The following NXPH1 variants were observed in gnomAD, a reference collection of about 807,000 sequenced individuals.
NXPH1 encodes the protein neurexophilin 1.
In NXPH1, 5 loss-of-function variants were observed where a neutral mutation model predicts 23.7. The ratio of observed to expected loss-of-function variants is 0.21; its 90% CI spans 0.11 to 0.44. The LOEUF is 0.44. Ranked by LOEUF, NXPH1 falls within the 20% of genes least tolerant of loss-of-function variation. The pLI is 0.99. For missense variants in NXPH1, 324 were observed against 321.6 expected (o/e 1.01, Z -0.06); for synonymous variants, 144 against 122.2 (o/e 1.18, Z -1.18).
chr7:8,501,772 AT>A (rs1817439488), intron 2 of NXPH1, among the ~76,000 whole-genome samples: 1 of 152,072 alleles, frequency 6.6e-6, no homozygotes, highest in South Asian at 2.1e-4. Context: ...GCAAGTAAAG[AT>A]AGGGCTGTCA....
intron 2 of NXPH1, among the ~76,000 whole-genome samples, chr7:8,638,331 G>A (rs749678544): frequency 1.3e-5 from 2 of 152,146 alleles, no homozygotes; most frequent in Non-Finnish European, 2.9e-5. Flanking sequence ...GGGACCACCA[G>A]CCCGTAGATG....
At chr7:8,595,660 C>T (rs1186032474) in intron 2 of NXPH1, among the ~76,000 whole-genome samples, 1 of 151,962 alleles carries the variant, frequency 6.6e-6, no homozygotes, top group Non-Finnish European at 1.5e-5. Flanking sequence ...TATCTGACTT[C>T]TACGGAACTC....
chr7:8,675,385 CT>C (rs1216494317), intron 2 of NXPH1, among the ~76,000 whole-genome samples: 1 of 151,896 alleles, frequency 6.6e-6, no homozygotes, highest in Non-Finnish European at 1.5e-5. Flanking sequence ...TATCAGCCTC[CT>C]TCTATTAATA....
In NXPH1 at chr7:8,751,101, A is replaced by G. The variant is rs1780557400; in HGVS notation, c.148A>G (p.Ser50Gly). The G allele has an allele frequency of 6.2e-7, 1 of 1,613,882 alleles. No individual in the cohort carries two copies. The highest frequency in any genetic ancestry group is 8.5e-7 in the Non-Finnish European group (1 of 1,179,792). ...STLKHIWTES[S>G]KDLSISRLLS... ...ACTAAAGCACATATGGACAGAAAGC[A>G]GCAAAGACTTGTCTATCAGCCGACT... is the stretch of plus-strand genomic sequence containing the variant. The change falls in exon 3 of 3, where the codon AGC (serine) becomes GGC (glycine). Residue 50 changes from serine (S) to glycine (G), a missense_variant. Transcript: ENST00000405863. The surrounding 1 kb of genome is among the most constrained non-coding windows in gnomAD (Gnocchi z 4.5).
chr7:8,742,716 G>T (rs984726255), intron 2 of NXPH1, among the ~76,000 whole-genome samples: 4 of 151,942 alleles, frequency 2.6e-5, no homozygotes, highest in Non-Finnish European at 5.9e-5. Flanking sequence ...AGGAAGCAGG[G>T]GTTGATGATG....
Position 8,690,722 on chromosome 7 carries a change from G to A in NXPH1, c.55-60286G>A, listed in dbSNP as rs150138670. On this transcript the variant is annotated intron_variant, in intron 2 of 2. Coordinates refer to ENST00000405863, the MANE Select transcript of NXPH1 (RefSeq NM_152745.3). ...ATGTCTTGACTGTGATTTTTTGACA[G>A]CAAACTTGAGAAATAAACAATCCTG... is the stretch of plus-strand genomic sequence containing the variant. Among the ~76,000 whole-genome samples the A allele has an allele frequency of 5.4e-4, 82 of 152,252 alleles. No individual in the cohort carries two copies. The East Asian group carries it at 0.014, about 26-fold the overall frequency.
intron 2 of NXPH1, among the ~76,000 whole-genome samples, chr7:8,742,601 T>TGTGTCTCTG (rs1780386461): frequency 8.5e-6 from 1 of 117,902 alleles, no homozygotes; most frequent in Non-Finnish European, 2.0e-5. Flanking sequence ...ATTTATAAAA[T>TGTGTCTCTG]AGACACCATG....
At chr7:8,556,683 G>T (rs1818363004) in intron 2 of NXPH1, among the ~76,000 whole-genome samples, 1 of 151,638 alleles carries the variant, frequency 6.6e-6, no homozygotes, top group Admixed American at 6.6e-5. Context: ...AACCACACTT[G>T]TTTTAAACAT....
chr7:8,525,454 G>C (rs113485740), intron 2 of NXPH1, among the ~76,000 whole-genome samples: 35,549 of 152,194 alleles, frequency 0.23, 4,273 homozygotes, highest in East Asian at 0.3. Context: ...CAAGCTGGCT[G>C]CAGAAATTTG....
At chr7:8,676,715 C>G (rs371839736) in intron 2 of NXPH1, among the ~76,000 whole-genome samples, 3 of 152,092 alleles carry the variant, frequency 2.0e-5, no homozygotes, top group African/African-American at 7.2e-5. Flanking sequence ...AGTTGCTTAA[C>G]TGGGTAAAGA....
At chr7:8,528,087 C>T (rs185241786) in intron 2 of NXPH1, among the ~76,000 whole-genome samples, 195 of 152,278 alleles carry the variant, frequency 1.3e-3, no homozygotes, top group Non-Finnish European at 2.3e-3. Context: ...ACCGATGGTT[C>T]GAATGAGAGA....
chr7:8,739,431 G>A (rs1450898740), intron 2 of NXPH1, among the ~76,000 whole-genome samples: 2 of 152,046 alleles, frequency 1.3e-5, no homozygotes, highest in African/African-American at 4.8e-5. Flanking sequence ...CTTCCTGGGT[G>A]AGGCAACACC....
At position 8,478,648 on chromosome 7, in the gene NXPH1, A is replaced by G. The variant is rs1035111859; in HGVS notation, c.54+42881A>G. ...AAACTGATTTGAAACTACATAGTGA[A>G]ATATGTAGCTGAGAAAGTCCATCCA... On this transcript the variant is annotated intron_variant, in intron 2 of 2. Transcript: ENST00000405863. 4.6e-5 allele frequency among the ~76,000 whole-genome samples: 7 copies of G among 152,084 alleles called. No homozygotes were observed. The East Asian group carries it at 1.3e-3, about 29-fold the overall frequency.
rs141012757 is a variant in NXPH1 at position 8,744,539 on chromosome 7, T to C, written c.55-6469T>C. On this transcript the variant is annotated intron_variant, in intron 2 of 2. Coordinates refer to ENST00000405863, the MANE Select transcript of NXPH1 (RefSeq NM_152745.3). ...AAGATATTCTTAGCATACTTCTTTA[T>C]TACCACACGTTTCTTGCACAATACC... Among the ~76,000 whole-genome samples the C allele has an allele frequency of 8.8e-3, 1,334 of 152,286 alleles. 12 individuals carry two copies. Among genetic ancestry groups the C allele is most frequent in the Non-Finnish European group, 0.013 (881 of 68,020 alleles).
intron 2 of NXPH1, among the ~76,000 whole-genome samples, chr7:8,476,421 T>C (rs964705068): frequency 3.3e-5 from 5 of 152,094 alleles, no homozygotes; most frequent in Admixed American, 3.3e-4. Context: ...GTCTCTCCTA[T>C]AGAATCCTCT....
chr7:8,531,904 G>T (rs1817954882), intron 2 of NXPH1, among the ~76,000 whole-genome samples: 2 of 152,120 alleles, frequency 1.3e-5, no homozygotes. Flanking sequence ...CATATGGTTG[G>T]ATCTTATTAC....
intron 2 of NXPH1, among the ~76,000 whole-genome samples, chr7:8,451,248 T>C (rs1816502393): frequency 6.6e-6 from 1 of 152,168 alleles, no homozygotes; most frequent in South Asian, 2.1e-4. Context: ...GTTCTGTCTT[T>C]CAGAGAGCGG....
intron 2 of NXPH1, among the ~76,000 whole-genome samples, chr7:8,503,646 A>C (rs911158906): frequency 6.6e-6 from 1 of 151,982 alleles, no homozygotes. Flanking sequence ...TTCCTGATGC[A>C]GGTAAGGAAG....
intron 2 of NXPH1, among the ~76,000 whole-genome samples, chr7:8,731,650 C>T (rs532719232): frequency 2.6e-5 from 4 of 152,304 alleles, no homozygotes; most frequent in Non-Finnish European, 4.4e-5. Flanking sequence ...AGATAGGCTG[C>T]TCGGGGGTCA....
Sources: allele counts gnomAD v4.1 joint callset (sites outside exome capture counted in the v4.1 genomes callset), GRCh38; gene constraint gnomAD v4.1.1; non-coding constraint Gnocchi (gnomAD v3.1); transcripts MANE v1.5; gene names NCBI Gene and HGNC (gene_info 2026-07-23, HGNC 2026-07-21).